The following DUSP10 variants were observed in gnomAD, a reference collection of about 807,000 sequenced individuals.
DUSP10 encodes the protein dual specificity phosphatase 10, also known as dual specificity protein phosphatase 10.
DUSP10 carries 14 observed loss-of-function variants against 30.8 expected under a neutral mutation model. The observed-to-expected ratio is 0.46, with a 90% CI of 0.30 to 0.71. The LOEUF (loss-of-function observed/expected upper bound fraction) is 0.71, where lower values mean the gene tolerates loss of function less well. DUSP10 is among the 30% of genes least tolerant of loss of function. The pLI, the probability that DUSP10 is intolerant of heterozygous loss-of-function variation, is 0.08. For missense variants in DUSP10, 550 were observed against 619.4 expected, an observed-to-expected ratio of 0.89 and a Z score of 1.19; for synonymous variants, 254 against 250.4, an observed-to-expected ratio of 1.01 and a Z score of -0.14.
intron 2 of DUSP10, among the ~76,000 whole-genome samples, chr1:221,736,378 GC>G (rs963412431): frequency 4.7e-4 from 71 of 152,082 alleles, no homozygotes; most frequent in Non-Finnish European, 9.0e-4. Context: ...TTCTAACTAT[GC>G]CCCCCTCCCA....
At position 221,739,786 on chromosome 1, in the gene DUSP10, G is replaced by A. The variant is rs1661896688; in HGVS notation, c.-42C>T. The A allele has an allele frequency of 1.3e-6, 2 of 1,527,478 alleles. No individual in the cohort carries two copies. Among genetic ancestry groups the A allele is most frequent in the Non-Finnish European group, 1.8e-6 (2 of 1,140,130 alleles). 94.6% of individuals were successfully genotyped at this position (1,527,478 alleles called of 1,614,324 possible). On this transcript the variant is annotated splice_region_variant and 5_prime_UTR_variant, in exon 2 of 4. Coordinates refer to ENST00000366899, the MANE Select transcript of DUSP10 (RefSeq NM_007207.6). ...GGCAATTCAAGAAGAACTCAAGACAGTCTGTAAAGAAGGGGAAGGGGGAAA... is the reference window on the plus strand; with the variant it reads ...GGCAATTCAAGAAGAACTCAAGACAATCTGTAAAGAAGGGGAAGGGGGAAA...
intron 2 of DUSP10, among the ~76,000 whole-genome samples, chr1:221,727,581 G>T (rs997538301): frequency 3.9e-5 from 6 of 152,162 alleles, no homozygotes; most frequent in African/African-American, 7.2e-5. Context: ...GTAAGTGAAT[G>T]CTTGCTGTGC....
intron 2 of DUSP10, among the ~76,000 whole-genome samples, chr1:221,709,778 G>A (rs997448314): frequency 7.9e-5 from 12 of 152,040 alleles, no homozygotes; most frequent in African/African-American, 2.9e-4. Context: ...AGGGGAGGGG[G>A]AAGAGTAAAG....
rs1660759559 is a variant in DUSP10, at chr1:221,706,336, G to A, written c.942C>T (p.Thr314=). The A allele has an allele frequency of 1.2e-6, 2 of 1,612,134 alleles. No individual in the cohort carries two copies. The highest frequency in any genetic ancestry group is 1.7e-6 in the Non-Finnish European group (2 of 1,178,430). Residue 314 remains threonine, a synonymous_variant, in exon 3 of 4, where the codon ACC becomes ACT. Transcript: ENST00000366899. This position sits in a 1 kb window ranked among gnomAD's most constrained non-coding sequence, Gnocchi z 4.6. ...SSLLPQPIPT[T]PDIENAELTP... is the part of the protein sequence containing the mutation. The stretch of plus-strand genomic sequence containing the variant: ...TGAGCTCAGCGTTCTCGATGTCAGG[G>A]GTGGTGGGGATGGGCTGAGGTAGCA...
At chr1:221,705,626 A>G (rs1252604831) in intron 3 of DUSP10, among the ~76,000 whole-genome samples, 4 of 152,110 alleles carry the variant, frequency 2.6e-5, no homozygotes, top group Admixed American at 2.6e-4. Context: ...CTTATGCTGG[A>G]TGAATAAGGC....
At chr1:221,730,149 C>A (rs1661539886) in intron 2 of DUSP10, among the ~76,000 whole-genome samples, 4 of 151,740 alleles carry the variant, frequency 2.6e-5, no homozygotes, top group Admixed American at 2.6e-4. Context: ...ATATTTAGCT[C>A]AATGGTAGTG....
At chr1:221,724,280 A>T (rs1387969855) in intron 2 of DUSP10, among the ~76,000 whole-genome samples, 1 of 152,172 alleles carries the variant, frequency 6.6e-6, no homozygotes, top group Non-Finnish European at 1.5e-5. Flanking sequence ...TAATACTGTT[A>T]TTACCACATT....
At chr1:221,728,549 A>C (rs1257326735) in intron 2 of DUSP10, among the ~76,000 whole-genome samples, 3 of 152,258 alleles carry the variant, frequency 2.0e-5, no homozygotes, top group Non-Finnish European at 1.5e-5. Flanking sequence ...AGAGGAGAGA[A>C]ACTAAACAGT....
chr1:221,715,933 C>T (rs1408284682), intron 2 of DUSP10, among the ~76,000 whole-genome samples: 1 of 151,578 alleles, frequency 6.6e-6, no homozygotes, highest in African/African-American at 2.4e-5. Context: ...GCCCCCTTCT[C>T]CACTCTTCTC....
chr1:221,706,916 A>T lies in DUSP10; in HGVS notation c.812-450T>A, dbSNP rs994271760. Among the ~76,000 whole-genome samples the T allele has an allele frequency of 2.0e-5, 3 of 152,176 alleles. No homozygotes were observed. The highest frequency in any genetic ancestry group is 1.3e-4 in the Admixed American group (2 of 15,280). On this transcript the variant is annotated intron_variant, in intron 2 of 3. Transcript: ENST00000366899. The surrounding 1 kb of genome is among the most constrained non-coding windows in gnomAD (Gnocchi z 4.6). ...CAGGAGCATGTCTTGCACCCTTCAT[A>T]GCTCACCTCACCCAGAGGGACAAGT...
At chr1:221,708,417 G>T (rs1439704467) in intron 2 of DUSP10, among the ~76,000 whole-genome samples, 1 of 152,156 alleles carries the variant, frequency 6.6e-6, no homozygotes, top group Non-Finnish European at 1.5e-5. Context: ...GTAAAAGAGA[G>T]AAATCATATT....
At chr1:221,704,689 C>A (rs1339164825) in intron 3 of DUSP10, among the ~76,000 whole-genome samples, 1 of 152,174 alleles carries the variant, frequency 6.6e-6, no homozygotes, top group Non-Finnish European at 1.5e-5. Context: ...GCTTGGGAGT[C>A]AAAAACCCTG....
At chr1:221,708,385 C>G (rs1198507747) in intron 2 of DUSP10, among the ~76,000 whole-genome samples, 1 of 152,198 alleles carries the variant, frequency 6.6e-6, no homozygotes, top group African/African-American at 2.4e-5. Flanking sequence ...TTTTCACAAC[C>G]AATGGACCCG....
chr1:221,728,773 G>A (rs747513392), intron 2 of DUSP10, among the ~76,000 whole-genome samples: 14 of 152,144 alleles, frequency 9.2e-5, no homozygotes, highest in Admixed American at 2.6e-4. Context: ...CATCATACTC[G>A]TCACAGATTC....
At chr1:221,738,036 C>T (rs10047096) in intron 2 of DUSP10, among the ~76,000 whole-genome samples, 1,857 of 152,234 alleles carry the variant, frequency 0.012, 40 homozygotes, top group African/African-American at 0.041. Flanking sequence ...ATGTACAGTG[C>T]CCCAAAAGTC....
At chr1:221,738,700 A>G (rs1340834359) in intron 2 of DUSP10, among the ~76,000 whole-genome samples, 1 of 152,252 alleles carries the variant, frequency 6.6e-6, no homozygotes, top group Non-Finnish European at 1.5e-5. Flanking sequence ...GACTTGCACA[A>G]TGCAAATTAG....
rs139038197 is a variant in DUSP10, at chr1:221,702,531, T to A, written c.1330A>T (p.Ile444Phe). 1.2e-6 allele frequency: 2 copies of A among 1,614,136 alleles called. No individual in the cohort carries two copies. Among genetic ancestry groups the A allele is most frequent in the South Asian group, 2.2e-5 (2 of 91,080 alleles). Residue 444 changes from isoleucine (I) to phenylalanine (F), a missense_variant, in exon 4 of 4, where the codon ATT (isoleucine) becomes TTT (phenylalanine). Transcript: ENST00000366899. The surrounding 1 kb of genome is among the most constrained non-coding windows in gnomAD (Gnocchi z 4.5). Reference protein sequence around the residue: ...AYKFVKGKRPIISPNLNFMGQ... With the variant: ...AYKFVKGKRPFISPNLNFMGQ... ...ATGAAGTTAAGGTTTGGGGAGATAATTGGTCGTTTGCCTTTGACAAATTTA... is the reference window on the plus strand; with the variant it reads ...ATGAAGTTAAGGTTTGGGGAGATAAATGGTCGTTTGCCTTTGACAAATTTA...
At chr1:221,720,256 A>G (rs1661243067) in intron 2 of DUSP10, among the ~76,000 whole-genome samples, 1 of 152,198 alleles carries the variant, frequency 6.6e-6, no homozygotes, top group East Asian at 1.9e-4. Context: ...CACCAGAATT[A>G]AAACAGCTTA....
At chr1:221,717,904 C>G (rs1661156694) in intron 2 of DUSP10, among the ~76,000 whole-genome samples, 1 of 152,142 alleles carries the variant, frequency 6.6e-6, no homozygotes, top group African/African-American at 2.4e-5. Flanking sequence ...TTGGTTAAAG[C>G]AGCCCAAATG....
Sources: gnomAD v4.1 joint callset for allele counts (sites outside exome capture counted in the v4.1 genomes callset) on GRCh38, gnomAD v4.1.1 for gene constraint, Gnocchi (gnomAD v3.1) non-coding constraint, MANE v1.5 for transcripts, NCBI Gene and HGNC (gene_info 2026-07-23, HGNC 2026-07-21) for gene names.